Variants in LCMT1 observed in about 807,000 individuals in gnomAD.
The protein encoded by LCMT1 is leucine carboxyl methyltransferase 1.
A neutral mutation model predicts 47.7 loss-of-function variants in LCMT1; 32 were observed. That is an observed-to-expected ratio of 0.67 (90% CI 0.51 to 0.90). LCMT1 has a LOEUF of 0.90. Among genes scored for constraint, LCMT1 ranks in the 40% least tolerant of loss-of-function variants. The probability of loss-of-function intolerance (pLI) is 0.00; values close to 1 mark genes in which losing one functional copy is unlikely to be tolerated. For missense variants in LCMT1, 375 were observed against 415.2 expected, an observed-to-expected ratio of 0.90 and a Z score of 0.84; for synonymous variants, 152 against 149.7, an observed-to-expected ratio of 1.02 and a Z score of -0.11.
intron 10 of LCMT1, among the ~76,000 whole-genome samples, chr16:25,177,096 C>T (rs1961970222): frequency 6.6e-6 from 1 of 151,582 alleles, no homozygotes; most frequent in South Asian, 2.1e-4. Flanking sequence ...AGGAGAATCT[C>T]TTGAACCCGG....
At chr16:25,167,991 A>G (rs563286749) in intron 7 of LCMT1, among the ~76,000 whole-genome samples, 46 of 152,144 alleles carry the variant, frequency 3.0e-4, no homozygotes, top group Non-Finnish European at 5.7e-4. Flanking sequence ...TCCTGACCTC[A>G]AGTGATCCGC....
chr16:25,130,585 G>A (rs1244486017), intron 2 of LCMT1, among the ~76,000 whole-genome samples: 2 of 152,148 alleles, frequency 1.3e-5, no homozygotes, highest in Non-Finnish European at 2.9e-5. Context: ...AATCAAAGCT[G>A]CAGTGAGCCA....
At chr16:25,117,831 G>A (rs1462921216) in intron 1 of LCMT1, among the ~76,000 whole-genome samples, 7 of 149,012 alleles carry the variant, frequency 4.7e-5, no homozygotes, top group Non-Finnish European at 7.4e-5. Context: ...CGGCCTGGGC[G>A]ACAGAGAGAG....
At chr16:25,166,332 G>A (rs1003031686) in intron 7 of LCMT1, among the ~76,000 whole-genome samples, 1 of 150,634 alleles carries the variant, frequency 6.6e-6, no homozygotes, top group African/African-American at 2.4e-5. Context: ...GGATTCCTGA[G>A]ATGATGGTCA....
At chr16:25,163,672 G>T (rs1961500610) in intron 6 of LCMT1, among the ~76,000 whole-genome samples, 1 of 152,126 alleles carries the variant, frequency 6.6e-6, no homozygotes, top group Non-Finnish European at 1.5e-5. Context: ...TACTCTTGGG[G>T]TATCTGCTTT....
chr16:25,136,348 C>T (rs796585085), intron 3 of LCMT1, among the ~76,000 whole-genome samples: 10 of 152,028 alleles, frequency 6.6e-5, no homozygotes, highest in African/African-American at 2.4e-4. Context: ...GTCTTCCATA[C>T]CAGTCAGTTG....
intron 1 of LCMT1, among the ~76,000 whole-genome samples, chr16:25,122,610 C>A (rs946480131): frequency 3.3e-5 from 5 of 149,892 alleles, no homozygotes; most frequent in South Asian, 2.1e-4. Context: ...ATTACAGGTG[C>A]GAGCCACTGC....
intron 5 of LCMT1, 83 bp downstream of exon 5, chr16:25,151,698 T>TGG: frequency 2.8e-6 from 2 of 702,244 alleles, no homozygotes; most frequent in Non-Finnish European, 4.9e-6. Context: ...TTGTGTTGGG[T>TGG]GTGTGTGTGT....
At chr16:25,119,072 A>T (rs750591977) in intron 1 of LCMT1, among the ~76,000 whole-genome samples, 1 of 152,120 alleles carries the variant, frequency 6.6e-6, no homozygotes, top group Non-Finnish European at 1.5e-5. Context: ...CCCCTGTGAG[A>T]CAGGCTGGTG....
intron 5 of LCMT1, among the ~76,000 whole-genome samples, chr16:25,155,532 G>A (rs1382951514): frequency 6.6e-6 from 1 of 152,130 alleles, no homozygotes; most frequent in Non-Finnish European, 1.5e-5. Context: ...GGGTGACAGA[G>A]CATGACCCTT....
At chr16:25,151,478 T>G (rs1961078049) in intron 4 of LCMT1, 76 bp from the exon 5 acceptor site, 1 of 1,225,702 alleles carries the variant, frequency 8.2e-7, no homozygotes, top group Non-Finnish European at 1.2e-6. Context: ...TGTCTGCATT[T>G]GTGCAGTAAA....
At chr16:25,163,485 AAG>A (rs554638224) in intron 6 of LCMT1, among the ~76,000 whole-genome samples, 3,050 of 151,152 alleles carry the variant, frequency 0.02, 53 homozygotes, top group Non-Finnish European at 0.034. Flanking sequence ...AAAAAAAAAA[AAG>A]AATCTAATAT....
intron 7 of LCMT1, among the ~76,000 whole-genome samples, chr16:25,165,355 C>T (rs1961555677): frequency 6.6e-6 from 1 of 152,148 alleles, no homozygotes; most frequent in Non-Finnish European, 1.5e-5. Flanking sequence ...TTTGGAATAG[C>T]TTGGGTTGAA....
At position 25,132,463 on chromosome 16, in the gene LCMT1, A is replaced by T. The variant is rs781192718; in HGVS notation, c.267A>T (p.Glu89Asp). Residue 89 changes from glutamate to aspartate, a missense_variant, in exon 3 of 11, where the codon GAA becomes GAT. Glu to Asp is a conservative substitution (Grantham distance 45). Coordinates refer to ENST00000399069, the MANE Select transcript of LCMT1 (RefSeq NM_016309.3). ...TAAAGGCATTTCTACGGAAGACAGA[A>T]TGTCATTGTCAAATTGTCAACCTTG... ...QLIKAFLRKT[E>D]CHCQIVNLGA... 6.2e-7 allele frequency: 1 copy of T among 1,613,868 alleles called. No homozygotes were observed. The highest frequency in any genetic ancestry group is 8.5e-7 in the Non-Finnish European group (1 of 1,179,820).
intron 5 of LCMT1, among the ~76,000 whole-genome samples, chr16:25,155,606 G>A (rs1305291110): frequency 1.3e-5 from 2 of 152,018 alleles, no homozygotes; most frequent in Non-Finnish European, 1.5e-5. Flanking sequence ...ACTCCCTATC[G>A]GATAGGACCC....
At chr16:25,173,282 A>G (rs1256198396) in intron 9 of LCMT1, among the ~76,000 whole-genome samples, 1 of 152,184 alleles carries the variant, frequency 6.6e-6, no homozygotes, top group Non-Finnish European at 1.5e-5. Flanking sequence ...CTTAATAATT[A>G]GTAGTGTCTC....
In LCMT1 at chr16:25,174,933, A is replaced by G. The variant is rs368447366; in HGVS notation, c.885-4A>G. 2.4e-5 allele frequency: 36 copies of G among 1,526,328 alleles called. No individual in the cohort carries two copies. The highest frequency in any genetic ancestry group is 2.9e-5 in the Non-Finnish European group (32 of 1,108,782). 94.5% of individuals were successfully genotyped at this position (1,526,328 alleles called of 1,614,324 possible). A position where few individuals can be genotyped will look rare whatever the true frequency, so the allele number is the denominator to read the frequency against. On this transcript the variant is annotated splice_region_variant and splice_polypyrimidine_tract_variant and intron_variant, in intron 9 of 10. Transcript: ENST00000399069. ...GCATCGTTCTATTTTAATTCTTTCCACAGGATAGAATCACTTGAATTCCTG... is the reference window on the plus strand; with the variant it reads ...GCATCGTTCTATTTTAATTCTTTCCGCAGGATAGAATCACTTGAATTCCTG...
At chr16:25,162,586 C>T (rs1358546263) in intron 6 of LCMT1, among the ~76,000 whole-genome samples, 1 of 137,946 alleles carries the variant, frequency 7.2e-6, no homozygotes, top group Non-Finnish European at 1.5e-5. Context: ...AAGACTCCAT[C>T]TCAAAAAAAA....
intron 2 of LCMT1, chr16:25,132,073 T>C (rs1383393334): frequency 4.8e-6 from 2 of 416,270 alleles, no homozygotes; most frequent in Non-Finnish European, 9.4e-6. Flanking sequence ...GTGGCTTTCA[T>C]TATAGCCATG....
Sources: gnomAD v4.1 joint callset for allele counts (sites outside exome capture counted in the v4.1 genomes callset) on GRCh38, gnomAD v4.1.1 for gene constraint, MANE v1.5 for transcripts, NCBI Gene and HGNC (gene_info 2026-07-23, HGNC 2026-07-21) for gene names.